The following ZFHX3 variants were observed in gnomAD, a reference collection of about 807,000 sequenced individuals.
ZFHX3 encodes the protein zinc finger homeobox protein 3.
ZFHX3 carries 42 observed loss-of-function variants against 279.1 expected under a neutral mutation model. That is an observed-to-expected ratio of 0.15 (90% CI 0.12 to 0.19). The LOEUF (loss-of-function observed/expected upper bound fraction) is 0.19, where lower values mean the gene tolerates loss of function less well. Ranked by LOEUF, ZFHX3 falls within the 10% of genes least tolerant of loss-of-function variation. ZFHX3 has a pLI of 1.00. For missense variants in ZFHX3, 4,981 were observed against 4,754.0 expected, an observed-to-expected ratio of 1.05 and a Z score of -1.40; for synonymous variants, 2,293 against 1,957.8, an observed-to-expected ratio of 1.17 and a Z score of -4.52.
chr16:73,173,424 G>A (rs1362912274), intron 5 of ZFHX3, among the ~76,000 whole-genome samples: 1 of 149,194 alleles, frequency 6.7e-6, no homozygotes, highest in Non-Finnish European at 1.5e-5. Context: ...AAGATATCTG[G>A]AGTCGATTTT....
chr16:73,803,472 C>T (rs1567415622), intron 1 of ZFHX3, among the ~76,000 whole-genome samples: 1 of 152,162 alleles, frequency 6.6e-6, no homozygotes, highest in African/African-American at 2.4e-5. Flanking sequence ...TCAAGCTGTG[C>T]TTATTAAAGA....
In ZFHX3 at chr16:72,788,512, G is replaced by A. The variant is rs777257980; in HGVS notation, c.9764C>T (p.Pro3255Leu). 3.3e-5 allele frequency: 53 copies of A among 1,614,082 alleles called. No homozygotes were observed. Among genetic ancestry groups the A allele is most frequent in the Non-Finnish European group, 4.2e-5 (49 of 1,180,042 alleles). ...KAHKGKGEPL[P>L]VPKKEKGEAP... is the part of the protein sequence containing the mutation. ...CTCTCCTTTCTCCTTCTTGGGGACA[G>A]GCAGGGGTTCCCCTTTCCCTTTGTG... is the stretch of plus-strand genomic sequence containing the variant. Residue 3255 changes from proline (P) to leucine (L), a missense_variant, in exon 10 of 10, where the codon CCT becomes CTT. Pro to Leu is a moderately conservative substitution (Grantham distance 98). This residue lies in a region of ZFHX3 where 1,034 missense variants were observed against 786.0 expected (regional missense o/e 1.32). Transcript: ENST00000268489.
chr16:73,027,189 A>T (rs1048255889), intron 1 of ZFHX3, among the ~76,000 whole-genome samples: 1 of 152,264 alleles, frequency 6.6e-6, no homozygotes, highest in African/African-American at 2.4e-5. Context: ...CTTGGTTGGC[A>T]GGCCATGCCA....
chr16:72,852,433 G>T (rs545076367), intron 4 of ZFHX3, among the ~76,000 whole-genome samples: 2 of 152,192 alleles, frequency 1.3e-5, no homozygotes, highest in Admixed American at 1.3e-4. Flanking sequence ...ACAGATAACT[G>T]AAACTTTCCA....
chr16:73,287,981 C>T (rs1317060287), intron 4 of ZFHX3, among the ~76,000 whole-genome samples: 3 of 152,114 alleles, frequency 2.0e-5, no homozygotes, highest in African/African-American at 7.2e-5. Context: ...TTCTTGCTGT[C>T]CCCTCCGTTC....
chr16:73,703,895 T>A (rs1234048817), intron 1 of ZFHX3, among the ~76,000 whole-genome samples: 1 of 152,078 alleles, frequency 6.6e-6, no homozygotes, highest in Non-Finnish European at 1.5e-5. Context: ...AAAAGCAAGG[T>A]GAAAGAGGGC....
intron 7 of ZFHX3, among the ~76,000 whole-genome samples, chr16:73,106,762 T>A (rs1966310242): frequency 6.6e-6 from 1 of 152,220 alleles, no homozygotes; most frequent in African/African-American, 2.4e-5. Context: ...TCAAAACATT[T>A]GTCAACTATC....
At chr16:73,068,619 T>A (rs1346595438) in intron 8 of ZFHX3, among the ~76,000 whole-genome samples, 1 of 152,212 alleles carries the variant, frequency 6.6e-6, no homozygotes, top group Admixed American at 6.5e-5. Flanking sequence ...TTGTTTTTCT[T>A]TGTAAATTTT....
intron 5 of ZFHX3, among the ~76,000 whole-genome samples, chr16:73,185,521 C>A (rs1374485328): frequency 6.6e-6 from 1 of 152,096 alleles, no homozygotes; most frequent in Admixed American, 6.6e-5. Flanking sequence ...AAGCAAGTAT[C>A]CCCCAAAAGC....
intron 2 of ZFHX3, among the ~76,000 whole-genome samples, chr16:73,591,872 T>G (rs1372568359): frequency 6.6e-6 from 1 of 151,850 alleles, no homozygotes; most frequent in East Asian, 1.9e-4. Context: ...AGTGGATATT[T>G]GATGATATTA....
At chr16:72,873,186 G>T (rs910943649) in intron 4 of ZFHX3, among the ~76,000 whole-genome samples, 2 of 152,182 alleles carry the variant, frequency 1.3e-5, no homozygotes, top group Non-Finnish European at 2.9e-5. Flanking sequence ...CATAGGCTGG[G>T]CTCATTTCTT....
chr16:73,506,519 G>A (rs764021663), intron 2 of ZFHX3, among the ~76,000 whole-genome samples: 1 of 152,304 alleles, frequency 6.6e-6, no homozygotes, highest in South Asian at 2.1e-4. Context: ...CAAAGTTCAT[G>A]TATATTAGCC....
At chr16:73,194,982 C>T (rs1032766135) in intron 5 of ZFHX3, among the ~76,000 whole-genome samples, 2 of 152,176 alleles carry the variant, frequency 1.3e-5, no homozygotes, top group Admixed American at 6.5e-5. Context: ...ACATACCCTT[C>T]GCTAGGATTC....
rs533622483 is a variant in ZFHX3, at chr16:72,785,976, C to A, written c.*1188G>T. 6.6e-6 allele frequency: 1 copy of A among 152,112 alleles called. No individual in the cohort carries two copies. Among genetic ancestry groups the A allele is most frequent in the East Asian group, 1.9e-4 (1 of 5,200 alleles). 9.4% of individuals were successfully genotyped at this position (152,112 alleles called of 1,614,324 possible). ...CCCCTAGAATCCCTTGAAATTCTTT[C>A]TTTAGTTTTATAAAATAATTCTGCA... On this transcript the variant is annotated 3_prime_UTR_variant, in exon 10 of 10. Coordinates refer to ENST00000268489, the MANE Select transcript of ZFHX3 (RefSeq NM_006885.4).
At chr16:73,709,483 G>A (rs575428263) in intron 1 of ZFHX3, among the ~76,000 whole-genome samples, 11 of 152,224 alleles carry the variant, frequency 7.2e-5, no homozygotes, top group South Asian at 2.1e-4. Flanking sequence ...TTGCAACAAC[G>A]TGGATGAACC....
intron 3 of ZFHX3, among the ~76,000 whole-genome samples, chr16:73,359,731 C>A (rs2016404471): frequency 6.6e-6 from 1 of 152,196 alleles, no homozygotes; most frequent in African/African-American, 2.4e-5. Context: ...CCATTACCCA[C>A]AAGTCACTGA....
chr16:73,019,363 T>C (rs922073807), intron 1 of ZFHX3, among the ~76,000 whole-genome samples: 28 of 151,736 alleles, frequency 1.8e-4, no homozygotes, highest in Admixed American at 8.5e-4. Flanking sequence ...TGTGTGTGTG[T>C]GTGTGCGTGT....
intron 5 of ZFHX3, among the ~76,000 whole-genome samples, chr16:73,180,498 G>A (rs1597206645): frequency 6.6e-6 from 1 of 152,274 alleles, no homozygotes; most frequent in Admixed American, 6.5e-5. Context: ...ACGAAGCCAC[G>A]CCCATCAGAG....
At chr16:72,944,455 C>A (rs1960564585) in intron 3 of ZFHX3, among the ~76,000 whole-genome samples, 1 of 152,062 alleles carries the variant, frequency 6.6e-6, no homozygotes, top group South Asian at 2.1e-4. Context: ...TGCCTCTGGA[C>A]AGTAAAGTCA....
Sources: allele counts gnomAD v4.1 joint callset (sites outside exome capture counted in the v4.1 genomes callset), GRCh38; gene constraint gnomAD v4.1.1; regional missense constraint gnomAD v4.1.1; transcripts MANE v1.5; gene names NCBI Gene and HGNC (gene_info 2026-07-23, HGNC 2026-07-21).